The following FBN1 variants were observed in gnomAD, a reference collection of about 807,000 sequenced individuals.
FBN1 encodes fibrillin 1.
Under a neutral mutation model 365.1 loss-of-function variants are expected in FBN1, and 29 were observed. The ratio of observed to expected loss-of-function variants is 0.08; its 90% CI spans 0.06 to 0.11. The LOEUF (loss-of-function observed/expected upper bound fraction) is 0.11. Ranked by LOEUF, FBN1 falls within the 10% of genes least tolerant of loss-of-function variation. FBN1 has a pLI of 1.00. For synonymous variants in FBN1, 1,210 were observed against 1,270.5 expected, an observed-to-expected ratio of 0.95 and a Z score of 1.01; for missense variants, 2,476 against 3,703.2, an observed-to-expected ratio of 0.67 and a Z score of 8.60.
intron 42 of FBN1, among the ~76,000 whole-genome samples, chr15:48,460,835 T>C (rs1289450904): frequency 6.6e-6 from 1 of 152,198 alleles, no homozygotes; most frequent in Non-Finnish European, 1.5e-5. Flanking sequence ...GGATTTCATT[T>C]GGTACAGCTC....
intron 55 of FBN1, 134 bp downstream of exon 55, chr15:48,432,732 G>T: frequency 8.4e-7 from 1 of 1,183,788 alleles, no homozygotes. Context: ...ACGTGGCAGT[G>T]ACAACCCCCG....
At chr15:48,419,953 A>G (rs1375366902) in intron 63 of FBN1, among the ~76,000 whole-genome samples, 2 of 152,236 alleles carry the variant, frequency 1.3e-5, no homozygotes, top group African/African-American at 4.8e-5. Context: ...GCATGTCACA[A>G]AAGAACTGGG....
chr15:48,487,217 A>G lies in FBN1; in HGVS notation c.3464-17T>C. On this transcript the variant is annotated splice_polypyrimidine_tract_variant and intron_variant, in intron 28 of 65. Coordinates refer to ENST00000316623, the MANE Select transcript of FBN1 (RefSeq NM_000138.5). ...CATTGATGTCTGTCGGGAAAATAAG[A>G]AGAACAAACACCCAAACATAAGCTT... 3 of 1,614,106 alleles carry G rather than the reference A, an allele frequency of 1.9e-6. No individual in the cohort carries two copies. The highest frequency in any genetic ancestry group is 2.5e-6 in the Non-Finnish European group (3 of 1,180,000).
chr15:48,488,971 A>G (rs1028273366), intron 25 of FBN1, among the ~76,000 whole-genome samples: 4 of 152,168 alleles, frequency 2.6e-5, no homozygotes, highest in South Asian at 2.1e-4. Context: ...TATAATTTAT[A>G]ATTTAAATTA....
chr15:48,591,467 C>T (rs1238989493), intron 6 of FBN1, among the ~76,000 whole-genome samples: 1 of 152,216 alleles, frequency 6.6e-6, no homozygotes, highest in Non-Finnish European at 1.5e-5. Context: ...ATGTCTACTT[C>T]CAGGCATGTT....
intron 6 of FBN1, among the ~76,000 whole-genome samples, chr15:48,563,343 G>T (rs2044237912): frequency 6.6e-6 from 1 of 152,104 alleles, no homozygotes; most frequent in African/African-American, 2.4e-5. Context: ...AGAAAATGAA[G>T]GGGTTAGGTA....
chr15:48,520,588 T>C (rs2043843515), intron 10 of FBN1, 71 bp downstream of exon 10: 3 of 1,569,654 alleles, frequency 1.9e-6, no homozygotes, highest in African/African-American at 2.7e-5. Flanking sequence ...TACATCTGCA[T>C]CATGCACATT....
chr15:48,543,499 G>A (rs1021062051), intron 6 of FBN1, among the ~76,000 whole-genome samples: 10 of 152,112 alleles, frequency 6.6e-5, no homozygotes, highest in African/African-American at 2.4e-4. Context: ...GAAGTTTCTT[G>A]TCAAAAAGTG....
rs115538946 is a variant in FBN1, at chr15:48,447,493, A to G, written c.5672-671T>C. On this transcript the variant is annotated intron_variant, in intron 46 of 65. Transcript: ENST00000316623. ...GTACTTTTCTCTGATGATTTTGTAA[A>G]GCTACTCTGACATCTTATATGTCTT... Among the ~76,000 whole-genome samples, 409 of 152,298 alleles carry G rather than the reference A, an allele frequency of 2.7e-3. 1 individual carries two copies. Among genetic ancestry groups the G allele is most frequent in the African/African-American group, 9.6e-3 (399 of 41,560 alleles).
intron 9 of FBN1, among the ~76,000 whole-genome samples, chr15:48,522,956 C>T (rs891890908): frequency 9.9e-5 from 15 of 152,176 alleles, no homozygotes; most frequent in Non-Finnish European, 1.0e-4. Context: ...CCAGGATAAA[C>T]GGCTGGAGAG....
At chr15:48,611,118 G>A (rs940120670) in intron 3 of FBN1, among the ~76,000 whole-genome samples, 2 of 151,870 alleles carry the variant, frequency 1.3e-5, no homozygotes, top group African/African-American at 4.8e-5. Context: ...GCTATGAAGA[G>A]AAAACCAAAC....
chr15:48,513,551 C>T lies in FBN1; in HGVS notation c.1586G>A (p.Arg529Gln), dbSNP rs1441536824. 8.1e-6 allele frequency: 13 copies of T among 1,613,848 alleles called. No homozygotes were observed. The East Asian group carries it at 8.9e-5, about 11-fold the overall frequency. ...CACGTCAGGAGCCAGGACCATACCT[C>T]GGCATTCTGTCCGCGTGAGTGTGCT... The part of the protein sequence containing the change: ...YQSTLTRTEC[R>Q]DIDECLQNGR... Residue 529 changes from arginine (R) to glutamine (Q), a missense_variant and splice_region_variant, in exon 13 of 66, where the codon CGA (arginine) becomes CAA (glutamine). Arg to Gln is a conservative substitution (Grantham distance 43). Around this residue, in one of 5 missense-constraint regions of FBN1, gnomAD observed 1,780 missense variants for 2,840.8 expected, o/e 0.63. Coordinates refer to ENST00000316623, the MANE Select transcript of FBN1 (RefSeq NM_000138.5).
intron 44 of FBN1, among the ~76,000 whole-genome samples, chr15:48,453,100 T>C (rs1418654502): frequency 6.6e-6 from 1 of 151,836 alleles, no homozygotes; most frequent in African/African-American, 2.4e-5. Context: ...CTACTAAAAA[T>C]ACAAAGTTAG....
At chr15:48,454,200 TC>T (rs1363738538) in intron 44 of FBN1, among the ~76,000 whole-genome samples, 1 of 152,198 alleles carries the variant, frequency 6.6e-6, no homozygotes. Context: ...AGTCTGAATT[TC>T]TAATAAGTTC....
chr15:48,438,952 C>T (rs2043092796), intron 50 of FBN1, among the ~76,000 whole-genome samples: 4 of 152,120 alleles, frequency 2.6e-5, no homozygotes, highest in African/African-American at 9.7e-5. Context: ...GCTTTCATAC[C>T]CATATTGTAC....
chr15:48,503,493 T>A (rs566245825), intron 17 of FBN1, among the ~76,000 whole-genome samples: 1 of 152,270 alleles, frequency 6.6e-6, no homozygotes, highest in Non-Finnish European at 1.5e-5. Context: ...AATGCAAACA[T>A]CATGAAACAA....
chr15:48,462,656 T>C (rs1267839732), intron 42 of FBN1, among the ~76,000 whole-genome samples: 7 of 152,222 alleles, frequency 4.6e-5, no homozygotes, highest in Admixed American at 4.6e-4. Context: ...GCTTATTTCT[T>C]GTTTAACATT....
At chr15:48,569,440 G>T (rs1240992704) in intron 6 of FBN1, among the ~76,000 whole-genome samples, 1 of 152,020 alleles carries the variant, frequency 6.6e-6, no homozygotes, top group Admixed American at 6.6e-5. Context: ...TATAAACTTG[G>T]CATATAATCC....
At chr15:48,485,775 T>C (rs1454685580) in intron 29 of FBN1, among the ~76,000 whole-genome samples, 1 of 152,216 alleles carries the variant, frequency 6.6e-6, no homozygotes, top group Non-Finnish European at 1.5e-5. Flanking sequence ...TGATATTGGA[T>C]TTCCCACCCT....
Sources: allele counts gnomAD v4.1 joint callset (sites outside exome capture counted in the v4.1 genomes callset), GRCh38; gene constraint gnomAD v4.1.1; regional missense constraint gnomAD v4.1.1; transcripts MANE v1.5; gene names NCBI Gene and HGNC (gene_info 2026-07-23, HGNC 2026-07-21).